The following SPTAN1 variants were observed in gnomAD, a reference collection of about 807,000 sequenced individuals.
The protein encoded by SPTAN1 is spectrin alpha chain, non-erythrocytic 1.
A neutral mutation model predicts 331.3 loss-of-function variants in SPTAN1; 61 were observed. That is an observed-to-expected ratio of 0.18 (90% confidence interval 0.15 to 0.23). The LOEUF (loss-of-function observed/expected upper bound fraction) is 0.23, where lower values mean the gene tolerates loss of function less well. SPTAN1 is among the 10% of genes least tolerant of loss of function. The pLI is 1.00. For missense variants in SPTAN1, 2,043 were observed against 3,147.9 expected, an observed-to-expected ratio of 0.65 and a Z score of 8.40; for synonymous variants, 1,153 against 1,173.9, an observed-to-expected ratio of 0.98 and a Z score of 0.36.
In SPTAN1 at chr9:128,618,872, G is replaced by A; in HGVS notation, c.5602G>A (p.Gly1868Ser). The change falls in exon 44 of 57, where the codon GGT (glycine) becomes AGT (serine). Residue 1868 changes from glycine (G) to serine (S), a missense_variant and splice_region_variant. By Grantham distance (56) the Gly-to-Ser change is moderately conservative. Transcript: ENST00000372739. ...TTTCTTCCTGTCTCCTGTAATTAGGGGTCAGCGGCTGGAAGAGTCCTTGGA... is the reference window on the plus strand; with the variant it reads ...TTTCTTCCTGTCTCCTGTAATTAGGAGTCAGCGGCTGGAAGAGTCCTTGGA... ...KELKQLAAAR[G>S]QRLEESLEYQ... 1 of 1,614,130 alleles carries A rather than the reference G, an allele frequency of 6.2e-7. No homozygotes were observed. Among genetic ancestry groups the A allele is most frequent in the Non-Finnish European group, 8.5e-7 (1 of 1,180,034 alleles).
intron 3 of SPTAN1, among the ~76,000 whole-genome samples, chr9:128,571,132 AT>A (rs1437791670): frequency 1.4e-4 from 22 of 152,054 alleles, no homozygotes; most frequent in Admixed American, 6.6e-5. Context: ...TACAAAAAAA[AT>A]TTAAAAATTA....
chr9:128,633,384 C>T lies in SPTAN1; in HGVS notation c.*50C>T, dbSNP rs758379487. The T allele has an allele frequency of 7.4e-5, 120 of 1,612,258 alleles. No homozygotes were observed. The highest frequency in any genetic ancestry group is 1.0e-4 in the Non-Finnish European group (118 of 1,179,922). ...TCGCTGCTTGCCCTGCGTCGCCTTG[C>T]TGCATGTCCGCTCCTCTGTGTGCTC... On this transcript the variant is annotated 3_prime_UTR_variant, in exon 57 of 57. Transcript: ENST00000372739.
At chr9:128,592,905 G>A in intron 22 of SPTAN1, 78 bp from the exon 23 acceptor site, 1 of 1,360,978 alleles carries the variant, frequency 7.3e-7, no homozygotes, top group Non-Finnish European at 1.0e-6. Flanking sequence ...CATGGCACCA[G>A]TCGGAGCTGC....
chr9:128,625,012 C>CA lies in SPTAN1; in HGVS notation c.5993-85dup, dbSNP rs200733545. On this transcript the variant is annotated intron_variant, in intron 46 of 56. Transcript: ENST00000372739. The surrounding 1 kb of genome is among the most constrained non-coding windows in gnomAD (Gnocchi z 4.1). ...AGGAAGATTGGGATTTATCTGTACA[C>CA]AAAAAATGGTTTGTCTGGGTTTTGA... The CA allele has an allele frequency of 3.5e-3, 4,372 of 1,264,914 alleles. 132 individuals are homozygous for CA. The East Asian group carries it at 0.052, about 15-fold the overall frequency. 78.4% of individuals were successfully genotyped at this position (1,264,914 alleles called of 1,614,324 possible).
In SPTAN1 at chr9:128,608,059, C is replaced by T; in HGVS notation, c.4344+10C>T. 2.5e-6 allele frequency: 4 copies of T among 1,614,120 alleles called. No homozygotes were observed. The highest frequency in any genetic ancestry group is 3.4e-6 in the Non-Finnish European group (4 of 1,180,026). ...GTGCCTTGAACTGCAGGTGTGTGTG[C>T]TCCTGGTTTCTGACCAAGTGTTTCC... On this transcript the variant is annotated intron_variant, in intron 33 of 56. Coordinates refer to ENST00000372739, the MANE Select transcript of SPTAN1 (RefSeq NM_001130438.3).
intron 49 of SPTAN1, 28 bp downstream of exon 49, chr9:128,626,715 G>A (rs1303937431): frequency 1.9e-6 from 3 of 1,579,204 alleles, no homozygotes; most frequent in African/African-American, 2.7e-5. Flanking sequence ...CTCAGGAGCT[G>A]CTCGGCCTCC....
intron 3 of SPTAN1, among the ~76,000 whole-genome samples, chr9:128,574,224 C>T (rs1321198117): frequency 6.6e-6 from 1 of 151,380 alleles, no homozygotes; most frequent in Non-Finnish European, 1.5e-5. Context: ...TTTTTCCTTT[C>T]CCAGTAGTCT....
chr9:128,609,869 T>C (rs764685545), intron 37 of SPTAN1, among the ~76,000 whole-genome samples: 2 of 152,224 alleles, frequency 1.3e-5, no homozygotes, highest in Non-Finnish European at 2.9e-5. Context: ...TGCAACGCCT[T>C]ACTCCCCCTT....
At position 128,625,405 on chromosome 9, in the gene SPTAN1, G is replaced by A. The variant is rs749595393; in HGVS notation, c.6069+226G>A. Among the ~76,000 whole-genome samples, 16 of 152,196 alleles carry A rather than the reference G, an allele frequency of 1.1e-4. No individual in the cohort carries two copies. The highest frequency in any genetic ancestry group is 2.1e-4 in the Non-Finnish European group (14 of 68,032). Reference sequence around the variant, plus strand: ...GGTGCTGACGGGACTGGGCACTGCAGGAGCACTCACTCAGTTTTCAGCAGG... The same window carrying A: ...GGTGCTGACGGGACTGGGCACTGCAAGAGCACTCACTCAGTTTTCAGCAGG... On this transcript the variant is annotated intron_variant, in intron 47 of 56. Transcript: ENST00000372739. This position sits in a 1 kb window ranked among gnomAD's most constrained non-coding sequence, Gnocchi z 4.1.
chr9:128,631,888 G>GC, intron 52 of SPTAN1: 1 of 566,490 alleles, frequency 1.8e-6, no homozygotes, highest in East Asian at 3.0e-5. Flanking sequence ...GGCGTGCACT[G>GC]CCCTCTGGCA....
chr9:128,619,476 G>T (rs1857584224), intron 44 of SPTAN1, among the ~76,000 whole-genome samples: 1 of 152,200 alleles, frequency 6.6e-6, no homozygotes, highest in Non-Finnish European at 1.5e-5. Context: ...GCCTCTTCCA[G>T]TTTTTGCTGG....
intron 1 of SPTAN1, chr9:128,553,134 A>C (rs1205255052): frequency 6.6e-6 from 1 of 152,210 alleles, no homozygotes; most frequent in African/African-American, 2.4e-5. Flanking sequence ...CGACTTCTGC[A>C]GCTCGTTCTT....
chr9:128,633,163 T>A, intron 56 of SPTAN1, 46 bp from the exon 57 acceptor site: 3 of 1,613,304 alleles, frequency 1.9e-6, no homozygotes, highest in Non-Finnish European at 2.5e-6. Context: ...GGGTTTGAAG[T>A]GGGTGCAGCT....
intron 26 of SPTAN1, 199 bp downstream of exon 26, chr9:128,599,185 A>C: frequency 1.6e-6 from 1 of 631,520 alleles, no homozygotes; most frequent in Non-Finnish European, 2.9e-6. Flanking sequence ...ACCAGGCTGG[A>C]GTGCAGTGGT....
intron 1 of SPTAN1, among the ~76,000 whole-genome samples, chr9:128,562,774 C>T (rs10819408): frequency 0.97 from 147,279 of 151,478 alleles, 71,746 homozygotes; most frequent in East Asian, 1. Flanking sequence ...ACCATCCTGG[C>T]TAGCACGGTG....
chr9:128,627,631 C>A lies in SPTAN1; in HGVS notation c.6689+133C>A. On this transcript the variant is annotated intron_variant, in intron 50 of 56. Coordinates refer to ENST00000372739, the MANE Select transcript of SPTAN1 (RefSeq NM_001130438.3). The surrounding 1 kb of genome is among the most constrained non-coding windows in gnomAD (Gnocchi z 4.9). ...CAGCCTGGGAATAAAGCTGGGCTGG[C>A]AACGCCTGGTCGGGCTCTGGAGCCG... is the stretch of plus-strand genomic sequence containing the variant. The A allele has an allele frequency of 2.1e-6, 2 of 966,468 alleles. No individual in the cohort carries two copies. Among genetic ancestry groups the A allele is most frequent in the Non-Finnish European group, 3.2e-6 (2 of 620,908 alleles). The allele number at this position is 966,468 out of a possible 1,614,324, so 59.9% of individuals were successfully genotyped here. A position where few individuals can be genotyped will look rare whatever the true frequency, so the allele number is the denominator to read the frequency against.
intron 31 of SPTAN1, 52 bp downstream of exon 31, chr9:128,605,529 G>C: frequency 6.2e-7 from 1 of 1,604,904 alleles, no homozygotes; most frequent in African/African-American, 1.3e-5. Flanking sequence ...TTCTTTGTAG[G>C]GGTCATTTTT....
At chr9:128,599,289 C>T (rs1406150220) in intron 26 of SPTAN1, 1 of 405,540 alleles carries the variant, frequency 2.5e-6, no homozygotes, top group African/African-American at 2.1e-5. Context: ...CATGTGGCAC[C>T]ACACCCAGCT....
At chr9:128,567,322 G>A (rs1393456893) in intron 2 of SPTAN1, among the ~76,000 whole-genome samples, 3 of 152,060 alleles carry the variant, frequency 2.0e-5, no homozygotes, top group South Asian at 2.1e-4. Context: ...GCAGAGTTGC[G>A]CTCATGTCGC....
Sources: gnomAD v4.1 joint callset for allele counts (sites outside exome capture counted in the v4.1 genomes callset) on GRCh38, gnomAD v4.1.1 for gene constraint, Gnocchi (gnomAD v3.1) non-coding constraint, MANE v1.5 for transcripts, NCBI Gene and HGNC (gene_info 2026-07-23, HGNC 2026-07-21) for gene names.